FIRRM: variants seen among roughly 807,000 people sequenced by gnomAD.
FIRRM encodes FIGNL1 interacting regulator of recombination and mitosis, also known as FIGNL1-interacting regulator of recombination and mitosis.
At chr1:169,849,711 G>A in the FIRRM span, 2 of 836,850 alleles carry the variant, frequency 2.4e-6, no homozygotes, top group East Asian at 2.6e-5. Context: ...TATTGCAATC[G>A]GAAAATTGTC....
At chr1:169,792,954 C>T in the FIRRM span, 2 of 1,613,992 alleles carry the variant, frequency 1.2e-6, no homozygotes, top group South Asian at 1.1e-5. Flanking sequence ...CTTTTCACAT[C>T]TGGCTCATTT....
chr1:169,830,323 C>T, the FIRRM span: 2 of 1,613,792 alleles, frequency 1.2e-6, no homozygotes, highest in Non-Finnish European at 1.7e-6. Flanking sequence ...GCTATGGATG[C>T]ATGGTGCTTC....
At chr1:169,829,469 TGCTAA>T in the FIRRM span, 18 of 1,585,104 alleles carry the variant, frequency 1.1e-5, no homozygotes, top group Non-Finnish European at 1.5e-5. Flanking sequence ...TTACTTACTG[TGCTAA>T]GCTAAGGTTA....
the FIRRM span, chr1:169,851,600 C>G: frequency 8.6e-6 from 5 of 584,754 alleles, no homozygotes; most frequent in Non-Finnish European, 1.5e-5. Context: ...TCATTTTTTC[C>G]TGCAAAGACA....
At chr1:169,842,106 T>G in the FIRRM span, among the ~76,000 whole-genome samples, 2 of 151,056 alleles carry the variant, frequency 1.3e-5, no homozygotes, top group African/African-American at 2.4e-5. Context: ...AACCTGGGAG[T>G]TGGAGGTTGC....
At chr1:169,843,636 T>C in the FIRRM span, 6 of 1,243,804 alleles carry the variant, frequency 4.8e-6, no homozygotes, top group African/African-American at 8.9e-5. Context: ...TCTTATGTGA[T>C]TGAAAATTTT....
chr1:169,795,002 G>A, the FIRRM span: 7 of 929,724 alleles, frequency 7.5e-6, no homozygotes, highest in Non-Finnish European at 1.2e-5. Context: ...CCTCTCTATG[G>A]TTTTGGAGCC....
the FIRRM span, chr1:169,832,484 T>A: frequency 6.2e-7 from 1 of 1,613,294 alleles, no homozygotes; most frequent in Non-Finnish European, 8.5e-7. Flanking sequence ...CGTCTCTTTT[T>A]CTTCATGGCA....
the FIRRM span, chr1:169,853,619 T>G: frequency 7.5e-7 from 1 of 1,337,620 alleles, no homozygotes; most frequent in Non-Finnish European, 1.1e-6. Context: ...GCAGGCCACT[T>G]TGGGGTTTTC....
the FIRRM span, among the ~76,000 whole-genome samples, chr1:169,801,272 C>T: frequency 2.6e-5 from 4 of 151,686 alleles, no homozygotes; most frequent in Non-Finnish European, 4.4e-5. Flanking sequence ...GATGAAACCT[C>T]GTCTCTACTA....
chr1:169,849,168 T>A, the FIRRM span, among the ~76,000 whole-genome samples: 1 of 152,110 alleles, frequency 6.6e-6, no homozygotes, highest in East Asian at 1.9e-4. Context: ...GTTAGTGAAG[T>A]CCTCACCAAG....
chr1:169,851,743 AT>A, the FIRRM span: 2 of 1,551,008 alleles, frequency 1.3e-6, no homozygotes, highest in African/African-American at 2.7e-5. Context: ...CAGCACTTAA[AT>A]TATGTGGCCA....
chr1:169,793,591 G>A, the FIRRM span: 3 of 1,614,174 alleles, frequency 1.9e-6, no homozygotes, highest in South Asian at 3.3e-5. Context: ...GACTTTCTGA[G>A]ACTGACAGCT....
At chr1:169,818,773 G>A in the FIRRM span, among the ~76,000 whole-genome samples, 22 of 152,086 alleles carry the variant, frequency 1.4e-4, no homozygotes, top group African/African-American at 5.1e-4. Context: ...TGCAACCTCC[G>A]CTTCCTGGGT....
At chr1:169,824,097 G>A in the FIRRM span, among the ~76,000 whole-genome samples, 1 of 152,108 alleles carries the variant, frequency 6.6e-6, no homozygotes, top group African/African-American at 2.4e-5. Context: ...CAAACTTCCT[G>A]TATCTTCCAA....
the FIRRM span, among the ~76,000 whole-genome samples, chr1:169,836,122 G>A: frequency 7.3e-6 from 1 of 137,758 alleles, no homozygotes; most frequent in Non-Finnish European, 1.6e-5. Flanking sequence ...AGTAGATTTT[G>A]AATATTTTAA....
chr1:169,830,669 A>C, the FIRRM span: 1 of 1,604,186 alleles, frequency 6.2e-7, no homozygotes, highest in Non-Finnish European at 8.5e-7. Context: ...TTGTATAAAC[A>C]TAGTTGTCTT....
the FIRRM span, among the ~76,000 whole-genome samples, chr1:169,842,817 C>T: frequency 6.6e-6 from 1 of 152,148 alleles, no homozygotes; most frequent in Non-Finnish European, 1.5e-5. Flanking sequence ...ATCTCTTCCC[C>T]TATTGTTTCT....
chr1:169,842,425 A>G, the FIRRM span: 3 of 1,613,836 alleles, frequency 1.9e-6, no homozygotes, highest in Non-Finnish European at 2.5e-6. Flanking sequence ...AGAACACAGT[A>G]CTGTCTGCTT....
Sources: allele counts gnomAD v4.1 joint callset (sites outside exome capture counted in the v4.1 genomes callset), GRCh38; gene constraint gnomAD v4.1.1; transcripts MANE v1.5; gene names NCBI Gene and HGNC (gene_info 2026-07-23, HGNC 2026-07-21).